PARD3B: variants seen among roughly 807,000 people sequenced by gnomAD.
PARD3B encodes par-3 family cell polarity regulator beta.
PARD3B carries 103 observed loss-of-function variants against 130.2 expected under a neutral mutation model. The ratio of observed to expected loss-of-function variants is 0.79; its 90% CI spans 0.67 to 0.93. The LOEUF (loss-of-function observed/expected upper bound fraction) is 0.93, where lower values mean the gene tolerates loss of function less well. Ranked by LOEUF, PARD3B falls within the 40% of genes least tolerant of loss-of-function variation. The pLI is 0.00. For synonymous variants in PARD3B, 583 were observed against 553.2 expected, an observed-to-expected ratio of 1.05 and a Z score of -0.76; for missense variants, 1,609 against 1,499.2, an observed-to-expected ratio of 1.07 and a Z score of -1.21.
chr2:204,948,155 A>T (rs13394306), intron 2 of PARD3B, among the ~76,000 whole-genome samples: 5,742 of 152,232 alleles, frequency 0.038, 190 homozygotes, highest in African/African-American at 0.079. Flanking sequence ...GGAGCCTTCA[A>T]ACTATAAATT....
At chr2:205,212,065 G>A (rs965233201) in intron 15 of PARD3B, among the ~76,000 whole-genome samples, 4 of 152,014 alleles carry the variant, frequency 2.6e-5, no homozygotes, top group African/African-American at 9.7e-5. Flanking sequence ...AATGATCTCA[G>A]TGCTTTCTCT....
chr2:205,226,326 C>T (rs1157607763), intron 15 of PARD3B, among the ~76,000 whole-genome samples: 1 of 152,192 alleles, frequency 6.6e-6, no homozygotes, highest in East Asian at 1.9e-4. Flanking sequence ...AGGCATGAGC[C>T]ACCACGCCCG....
chr2:205,132,337 A>G (rs2032078397), intron 10 of PARD3B, among the ~76,000 whole-genome samples: 1 of 152,268 alleles, frequency 6.6e-6, no homozygotes, highest in South Asian at 2.1e-4. Context: ...TTGCAGGAGA[A>G]AACAATTTTT....
At chr2:204,877,809 A>G (rs2045899449) in intron 2 of PARD3B, among the ~76,000 whole-genome samples, 1 of 152,206 alleles carries the variant, frequency 6.6e-6, no homozygotes, top group Non-Finnish European at 1.5e-5. Context: ...CTAGCCAAAT[A>G]CTGTGTGTCA....
intron 13 of PARD3B, among the ~76,000 whole-genome samples, 173 bp from the exon 14 acceptor site, chr2:205,185,591 A>C (rs961219725): frequency 1.5e-4 from 23 of 152,162 alleles, no homozygotes; most frequent in African/African-American, 5.6e-4. Flanking sequence ...ATTTCCTCAT[A>C]CAAGCAGTAT....
At chr2:205,282,491 A>G (rs2041226807) in intron 16 of PARD3B, among the ~76,000 whole-genome samples, 2 of 124,606 alleles carry the variant, frequency 1.6e-5, no homozygotes, top group Admixed American at 9.7e-5. Flanking sequence ...GTATGTGTGT[A>G]TATATATATT....
intron 3 of PARD3B, among the ~76,000 whole-genome samples, chr2:205,041,279 T>A (rs1321296188): frequency 6.6e-6 from 1 of 152,120 alleles, no homozygotes; most frequent in Non-Finnish European, 1.5e-5. Context: ...TATCAAGACA[T>A]TTTAGATTAA....
intron 20 of PARD3B, among the ~76,000 whole-genome samples, chr2:205,495,874 A>AT (rs982508161): frequency 7.9e-5 from 12 of 152,126 alleles, no homozygotes; most frequent in Admixed American, 7.9e-4. Context: ...ATCCATCAGT[A>AT]TTTTTTGAGG....
intron 3 of PARD3B, among the ~76,000 whole-genome samples, chr2:204,996,945 A>G (rs1227551847): frequency 1.3e-5 from 2 of 151,848 alleles, no homozygotes; most frequent in Non-Finnish European, 2.9e-5. Flanking sequence ...CGGCTCGCAC[A>G]TGGTGCGCGC....
chr2:204,917,014 A>C (rs2047471175), intron 2 of PARD3B, among the ~76,000 whole-genome samples: 1 of 152,248 alleles, frequency 6.6e-6, no homozygotes, highest in Non-Finnish European at 1.5e-5. Flanking sequence ...CCTTAAAAAC[A>C]AGGAAATATG....
Position 204,675,635 on chromosome 2 carries a change from A to G in PARD3B, c.121-10546A>G, listed in dbSNP as rs571913515. 6.6e-6 allele frequency among the ~76,000 whole-genome samples: 1 copy of G among 152,280 alleles called. No individual in the cohort carries two copies. The highest frequency in any genetic ancestry group is 1.5e-5 in the Non-Finnish European group (1 of 68,000). The stretch of plus-strand genomic sequence containing the variant: ...TAAATTTAGATTAATCCTAAAATGA[A>G]AAATGAACCTCTAAAGCCCTTTATA... On this transcript the variant is annotated intron_variant, in intron 1 of 22. Coordinates refer to ENST00000406610, the MANE Select transcript of PARD3B (RefSeq NM_001302769.2). This position sits in a 1 kb window ranked among gnomAD's most constrained non-coding sequence, Gnocchi z 4.4.
intron 2 of PARD3B, among the ~76,000 whole-genome samples, chr2:204,776,258 G>C (rs758240390): frequency 6.6e-6 from 1 of 152,192 alleles, no homozygotes; most frequent in Non-Finnish European, 1.5e-5. Context: ...ACTAATGTGA[G>C]TGAGTTACAA....
intron 2 of PARD3B, among the ~76,000 whole-genome samples, chr2:204,719,839 A>G (rs2038912994): frequency 6.6e-6 from 1 of 152,228 alleles, no homozygotes; most frequent in South Asian, 2.1e-4. Context: ...TAATCATTTG[A>G]AACTTTGAAT....
At chr2:204,626,150 T>C (rs1017551533) in intron 1 of PARD3B, among the ~76,000 whole-genome samples, 2 of 152,132 alleles carry the variant, frequency 1.3e-5, no homozygotes, top group African/African-American at 4.8e-5. Flanking sequence ...CCCCATGGAC[T>C]GACAATTTGG....
chr2:205,472,202 C>T (rs553022852), intron 20 of PARD3B, among the ~76,000 whole-genome samples: 47 of 152,236 alleles, frequency 3.1e-4, no homozygotes, highest in African/African-American at 1.1e-3. Flanking sequence ...ATTGTCTCCT[C>T]GACCAATGAA....
At chr2:204,622,146 A>T (rs2034324713) in intron 1 of PARD3B, among the ~76,000 whole-genome samples, 2 of 152,188 alleles carry the variant, frequency 1.3e-5, no homozygotes, top group Non-Finnish European at 2.9e-5. Context: ...TACCTTTCTA[A>T]TTAGATAGAC....
At chr2:204,572,935 C>T (rs2032077184) in intron 1 of PARD3B, among the ~76,000 whole-genome samples, 1 of 152,190 alleles carries the variant, frequency 6.6e-6, no homozygotes, top group Non-Finnish European at 1.5e-5. Context: ...CCACTCTCTT[C>T]TTGGGAAATT....
At chr2:204,953,753 C>T (rs1373159906) in intron 2 of PARD3B, among the ~76,000 whole-genome samples, 1 of 152,140 alleles carries the variant, frequency 6.6e-6, no homozygotes, top group Non-Finnish European at 1.5e-5. Flanking sequence ...GGGTCCAGTC[C>T]TAATTTCAAA....
intron 21 of PARD3B, among the ~76,000 whole-genome samples, chr2:205,515,988 G>A (rs977703563): frequency 3.9e-5 from 6 of 151,992 alleles, no homozygotes; most frequent in African/African-American, 1.4e-4. Flanking sequence ...ATAAGGAAGG[G>A]GTCTGGCTTC....
Sources: gnomAD v4.1 joint callset for allele counts (sites outside exome capture counted in the v4.1 genomes callset) on GRCh38, gnomAD v4.1.1 for gene constraint, Gnocchi (gnomAD v3.1) non-coding constraint, MANE v1.5 for transcripts, NCBI Gene and HGNC (gene_info 2026-07-23, HGNC 2026-07-21) for gene names.